FRMPD4: variants seen among roughly 807,000 people sequenced by gnomAD.
The protein encoded by FRMPD4 is FERM and PDZ domain containing 4, also known as FERM and PDZ domain-containing protein 4.
In FRMPD4, 22 loss-of-function variants were observed where a neutral mutation model predicts 94.1. The ratio of observed to expected loss-of-function variants is 0.23; its 90% CI spans 0.17 to 0.33. The LOEUF (loss-of-function observed/expected upper bound fraction) is 0.33. Ranked by LOEUF, FRMPD4 falls within the 10% of genes least tolerant of loss-of-function variation. The probability of loss-of-function intolerance (pLI) is 1.00; values close to 1 mark genes in which losing one functional copy is unlikely to be tolerated. For missense variants in FRMPD4, 1,111 were observed against 1,339.9 expected (o/e 0.83, Z 2.67); for synonymous variants, 631 against 548.6 (o/e 1.15, Z -2.10).
At chrX:12,068,570 C>T (rs1229304421) in intron 3 of FRMPD4, among the ~76,000 whole-genome samples, 2 of 111,835 alleles carry the variant, frequency 1.8e-5, no homozygotes, top group Non-Finnish European at 3.8e-5. Flanking sequence ...TGCTTTCCCA[C>T]TGCTGAAGTC....
At chrX:12,173,562 T>G (rs904141593) in intron 1 of FRMPD4, among the ~76,000 whole-genome samples, 1 of 112,396 alleles carries the variant, frequency 8.9e-6, no homozygotes, top group African/African-American at 3.2e-5. Context: ...TTCTCTCTCT[T>G]ACTAAACCAC....
At chrX:12,343,272 G>C (rs1162469626) in intron 1 of FRMPD4, among the ~76,000 whole-genome samples, 1 of 111,997 alleles carries the variant, frequency 8.9e-6, no homozygotes, top group East Asian at 2.8e-4. Context: ...AGTGACCTTG[G>C]ACTGGTGGAT....
intron 3 of FRMPD4, among the ~76,000 whole-genome samples, chrX:11,943,702 A>G (rs902119513): frequency 8.9e-6 from 1 of 112,178 alleles, no homozygotes; most frequent in Non-Finnish European, 1.9e-5. Context: ...ATTTCCAACA[A>G]GTGAATTTTG....
At chrX:12,082,359 C>T (rs1216536403) in intron 3 of FRMPD4, among the ~76,000 whole-genome samples, 1 of 111,765 alleles carries the variant, frequency 8.9e-6, no homozygotes, top group Non-Finnish European at 1.9e-5. Flanking sequence ...TTTGCTTCTT[C>T]CTCATTTTTC....
intron 1 of FRMPD4, among the ~76,000 whole-genome samples, chrX:12,230,163 A>G (rs1376006758): frequency 9.0e-6 from 1 of 111,633 alleles, no homozygotes; most frequent in East Asian, 2.8e-4. Context: ...GTAGAATTAA[A>G]TTATGTCTGC....
chrX:12,153,187 C>T (rs1034280390), intron 1 of FRMPD4, among the ~76,000 whole-genome samples: 6 of 111,308 alleles, frequency 5.4e-5, no homozygotes, highest in South Asian at 3.8e-4. Flanking sequence ...CCACCCGCCT[C>T]GGCCTCCCAA....
chrX:12,478,079 C>T (rs969651531), intron 1 of FRMPD4, among the ~76,000 whole-genome samples: 3 of 112,223 alleles, frequency 2.7e-5, no homozygotes, highest in Non-Finnish European at 5.6e-5. Context: ...ACACCTGGCC[C>T]AGTGGAAACA....
At chrX:12,653,641 A>G (rs902224667) in intron 4 of FRMPD4, among the ~76,000 whole-genome samples, 1 of 110,733 alleles carries the variant, frequency 9.0e-6, no homozygotes, top group African/African-American at 3.3e-5. Context: ...AACCTTAGAG[A>G]CTGACTTTTA....
intron 3 of FRMPD4, among the ~76,000 whole-genome samples, chrX:11,886,467 T>C (rs1012531251): frequency 8.9e-6 from 1 of 111,767 alleles, no homozygotes; most frequent in African/African-American, 3.3e-5. Context: ...AATATGTACC[T>C]GAAGGACCCT....
chrX:11,829,706 C>G (rs9887624), intron 1 of FRMPD4, among the ~76,000 whole-genome samples: 4,205 of 111,885 alleles, frequency 0.038, 123 homozygotes, highest in African/African-American at 0.098. Context: ...AAATTCTGGT[C>G]TCTCTCCAGA....
At chrX:12,612,160 A>T (rs2059190639) in intron 3 of FRMPD4, among the ~76,000 whole-genome samples, 2 of 111,851 alleles carry the variant, frequency 1.8e-5, no homozygotes, top group Admixed American at 1.9e-4. Flanking sequence ...ATATTGGGAT[A>T]ATCTAACATC....
chrX:12,000,001 G>T (rs1027651199), intron 3 of FRMPD4, among the ~76,000 whole-genome samples: 2 of 112,056 alleles, frequency 1.8e-5, no homozygotes, highest in African/African-American at 6.5e-5. Context: ...TTGACGAAAA[G>T]AACTCAACTT....
intron 2 of FRMPD4, among the ~76,000 whole-genome samples, chrX:12,585,105 A>G (rs2058913448): frequency 9.0e-6 from 1 of 111,020 alleles, no homozygotes; most frequent in Non-Finnish European, 1.9e-5. Flanking sequence ...TTTAGTAGAC[A>G]CGGGGCTTCA....
At chrX:12,094,587 A>G (rs1346123954) in intron 3 of FRMPD4, among the ~76,000 whole-genome samples, 1 of 112,084 alleles carries the variant, frequency 8.9e-6, no homozygotes, top group Non-Finnish European at 1.9e-5. Flanking sequence ...ACTTCACAGC[A>G]GGCAGTAGGG....
chrX:12,011,218 CA>C (rs2147414456), intron 3 of FRMPD4, among the ~76,000 whole-genome samples: 1 of 111,812 alleles, frequency 8.9e-6, no homozygotes, highest in Admixed American at 9.5e-5. Context: ...TAATCATCCC[CA>C]GGGGTGGTTT....
intron 3 of FRMPD4, among the ~76,000 whole-genome samples, chrX:11,998,605 T>A (rs1459195039): frequency 9.0e-6 from 1 of 111,578 alleles, no homozygotes; most frequent in Non-Finnish European, 1.9e-5. Context: ...GGCCTTACTG[T>A]CTTTTCTGCC....
At chrX:12,473,358 A>T (rs1386019194) in intron 1 of FRMPD4, among the ~76,000 whole-genome samples, 1 of 110,157 alleles carries the variant, frequency 9.1e-6, no homozygotes, top group East Asian at 2.8e-4. Context: ...CACTGCAAAA[A>T]CATGCCAAAT....
intron 1 of FRMPD4, among the ~76,000 whole-genome samples, chrX:12,467,211 A>T (rs1021921476): frequency 1.8e-5 from 2 of 108,962 alleles, no homozygotes; most frequent in African/African-American, 6.6e-5. Context: ...GCAGTTTATG[A>T]TCATAGATCT....
intron 3 of FRMPD4, among the ~76,000 whole-genome samples, chrX:12,011,052 G>A (rs1019453966): frequency 1.8e-5 from 2 of 112,539 alleles, no homozygotes; most frequent in African/African-American, 6.5e-5. Context: ...TTAAACATAA[G>A]CTATACTATT....
Sources: gnomAD v4.1 joint callset for allele counts (sites outside exome capture counted in the v4.1 genomes callset) on GRCh38, gnomAD v4.1.1 for gene constraint, MANE v1.5 for transcripts, NCBI Gene and HGNC (gene_info 2026-07-23, HGNC 2026-07-21) for gene names.